The following MOB3B variants were observed in gnomAD, a reference collection of about 807,000 sequenced individuals.
MOB3B encodes the protein MOB kinase activator 3B, also known as MOB kinase activator-like 2B.
Under a neutral mutation model 18.7 loss-of-function variants are expected in MOB3B, and 7 were observed. The observed-to-expected ratio is 0.37, with a 90% CI of 0.21 to 0.70. MOB3B has a LOEUF of 0.70. Among genes scored for constraint, MOB3B ranks in the 30% least tolerant of loss-of-function variants. The pLI, the probability that MOB3B is intolerant of heterozygous loss-of-function variation, is 0.52. For missense variants in MOB3B, 253 were observed against 281.3 expected, an observed-to-expected ratio of 0.90 and a Z score of 0.72; for synonymous variants, 111 against 99.9, an observed-to-expected ratio of 1.11 and a Z score of -0.66.
chr9:27,385,903 A>C (rs1191752810), intron 2 of MOB3B, among the ~76,000 whole-genome samples: 1 of 152,220 alleles, frequency 6.6e-6, no homozygotes, highest in East Asian at 1.9e-4. Flanking sequence ...ATGCAAACTC[A>C]ATGAAGGGTG....
intron 1 of MOB3B, among the ~76,000 whole-genome samples, chr9:27,485,602 G>C (rs984478470): frequency 2.6e-5 from 4 of 151,996 alleles, no homozygotes; most frequent in Non-Finnish European, 5.9e-5. Flanking sequence ...ATCGACTTTT[G>C]TGTGGACCAT....
intron 2 of MOB3B, among the ~76,000 whole-genome samples, chr9:27,379,578 G>A (rs573817450): frequency 1.8e-4 from 27 of 152,244 alleles, no homozygotes; most frequent in African/African-American, 6.3e-4. Flanking sequence ...TGGAGGAGCC[G>A]GGCTGTGAGG....
At chr9:27,370,707 T>C (rs1339157821) in intron 2 of MOB3B, among the ~76,000 whole-genome samples, 1 of 152,202 alleles carries the variant, frequency 6.6e-6, no homozygotes, top group Non-Finnish European at 1.5e-5. Flanking sequence ...TATAAGCCAC[T>C]CTGTTTGTGG....
At chr9:27,356,185 T>C (rs973095139) in intron 3 of MOB3B, among the ~76,000 whole-genome samples, 2 of 152,222 alleles carry the variant, frequency 1.3e-5, no homozygotes, top group Admixed American at 6.5e-5. Context: ...ATTTAAAAAG[T>C]ATGAATATTT....
intron 1 of MOB3B, among the ~76,000 whole-genome samples, chr9:27,479,244 G>A (rs1819609213): frequency 6.6e-6 from 1 of 152,064 alleles, no homozygotes; most frequent in African/African-American, 2.4e-5. Context: ...AGAGAGGGAA[G>A]GAGGCTAAAC....
intron 3 of MOB3B, among the ~76,000 whole-genome samples, chr9:27,346,662 G>A (rs12553110): frequency 0.46 from 69,660 of 151,950 alleles, 16,637 homozygotes; most frequent in African/African-American, 0.59. Flanking sequence ...TTAATAAGAC[G>A]TGGACATAAA....
chr9:27,417,535 C>T (rs1193401498), intron 2 of MOB3B, among the ~76,000 whole-genome samples: 2 of 152,160 alleles, frequency 1.3e-5, no homozygotes, highest in African/African-American at 4.8e-5. Flanking sequence ...CCTCCCTGTG[C>T]CCAGCTCCAG....
chr9:27,336,515 G>A (rs1416195923), intron 3 of MOB3B, among the ~76,000 whole-genome samples: 4 of 152,130 alleles, frequency 2.6e-5, no homozygotes, highest in Non-Finnish European at 5.9e-5. Flanking sequence ...AGGAGCAGGA[G>A]GACCCTTGGT....
At chr9:27,473,277 G>A (rs961016489) in intron 1 of MOB3B, among the ~76,000 whole-genome samples, 4 of 152,168 alleles carry the variant, frequency 2.6e-5, no homozygotes, top group African/African-American at 9.7e-5. Context: ...ATCTAGCGGA[G>A]TAATCTTGTG....
chr9:27,451,907 C>T (rs961520828), intron 2 of MOB3B, among the ~76,000 whole-genome samples: 16 of 152,126 alleles, frequency 1.1e-4, no homozygotes, highest in African/African-American at 3.4e-4. Flanking sequence ...CCTAATAATA[C>T]GTTCTTCCAA....
intron 2 of MOB3B, among the ~76,000 whole-genome samples, chr9:27,396,054 G>C (rs970665128): frequency 2.0e-5 from 3 of 152,092 alleles, no homozygotes; most frequent in African/African-American, 7.2e-5. Context: ...GCCACTTAAG[G>C]TAGGGGTGTG....
Position 27,472,678 on chromosome 9 carries a change from T to TA in MOB3B, c.-198-16931dup, listed in dbSNP as rs56092176. On this transcript the variant is annotated intron_variant, in intron 1 of 3. Transcript: ENST00000262244. ...ATTCTCTTTAAACTGCACTTTATTC[T>TA]AAAAAAAAAAAAAAAAAAAAAAAAA... Among the ~76,000 whole-genome samples the TA allele has an allele frequency of 5.6e-3, 554 of 98,902 alleles. 10 individuals carry two copies. The highest frequency in any genetic ancestry group is 0.014 in the South Asian group (34 of 2,358). The allele number at this position is 98,902 out of a possible 152,430, so 64.9% of individuals were successfully genotyped here.
chr9:27,358,459 C>T (rs1821225706), intron 3 of MOB3B, among the ~76,000 whole-genome samples: 1 of 152,188 alleles, frequency 6.6e-6, no homozygotes, highest in South Asian at 2.1e-4. Context: ...ATCAAATGTT[C>T]TCTATTCTAA....
intron 2 of MOB3B, among the ~76,000 whole-genome samples, chr9:27,412,953 C>A (rs1822093565): frequency 6.6e-6 from 1 of 152,216 alleles, no homozygotes. Flanking sequence ...CTGGACCATT[C>A]ATTTAGATGG....
At chr9:27,389,817 G>C (rs911165187) in intron 2 of MOB3B, among the ~76,000 whole-genome samples, 1 of 151,906 alleles carries the variant, frequency 6.6e-6, no homozygotes, top group Non-Finnish European at 1.5e-5. Context: ...AAAATATGTG[G>C]CATACAGCTC....
chr9:27,442,942 G>A (rs1822617638), intron 2 of MOB3B, among the ~76,000 whole-genome samples: 1 of 152,174 alleles, frequency 6.6e-6, no homozygotes, highest in Non-Finnish European at 1.5e-5. Flanking sequence ...TGTGGGATAA[G>A]TGTTAGTATC....
intron 1 of MOB3B, among the ~76,000 whole-genome samples, chr9:27,512,375 C>T (rs138640664): frequency 1.5e-4 from 23 of 152,136 alleles, no homozygotes; most frequent in African/African-American, 4.3e-4. Context: ...GTGCCAAGTC[C>T]GAGACTCAGG....
At chr9:27,425,142 G>A (rs1165780310) in intron 2 of MOB3B, among the ~76,000 whole-genome samples, 2 of 152,064 alleles carry the variant, frequency 1.3e-5, no homozygotes, top group Non-Finnish European at 2.9e-5. Context: ...TTGGGAGGCC[G>A]AGGCAGGTGG....
At chr9:27,521,012 T>C (rs1169925557) in intron 1 of MOB3B, among the ~76,000 whole-genome samples, 1 of 152,152 alleles carries the variant, frequency 6.6e-6, no homozygotes, top group Non-Finnish European at 1.5e-5. Flanking sequence ...TCTTTCCTTC[T>C]TTGTCATGAA....
Sources: allele counts gnomAD v4.1 joint callset (sites outside exome capture counted in the v4.1 genomes callset), GRCh38; gene constraint gnomAD v4.1.1; transcripts MANE v1.5; gene names NCBI Gene and HGNC (gene_info 2026-07-23, HGNC 2026-07-21).